The following SRPK2 variants were observed in gnomAD, a reference collection of about 807,000 sequenced individuals.
SRPK2 encodes SFRS protein kinase 2.
A neutral mutation model predicts 90.8 loss-of-function variants in SRPK2; 21 were observed. The observed-to-expected ratio is 0.23, with a 90% CI of 0.16 to 0.33. The LOEUF (loss-of-function observed/expected upper bound fraction) is 0.33, where lower values mean the gene tolerates loss of function less well. SRPK2 is among the 10% of genes least tolerant of loss of function. The pLI, the probability that SRPK2 is intolerant of heterozygous loss-of-function variation, is 1.00. For missense variants in SRPK2, 620 were observed against 869.0 expected, an observed-to-expected ratio of 0.71 and a Z score of 3.60; for synonymous variants, 288 against 311.1, an observed-to-expected ratio of 0.93 and a Z score of 0.78.
At chr7:105,305,295 C>T (rs1227186744) in intron 2 of SRPK2, among the ~76,000 whole-genome samples, 3 of 152,144 alleles carry the variant, frequency 2.0e-5, no homozygotes, top group East Asian at 1.9e-4. Context: ...CAAAATTAGC[C>T]GGGTATTTTT....
chr7:105,319,579 C>T (rs1306460347), intron 2 of SRPK2, among the ~76,000 whole-genome samples: 2 of 133,068 alleles, frequency 1.5e-5, no homozygotes, highest in Non-Finnish European at 3.1e-5. Context: ...GTTACTTTTC[C>T]GGTTAAAGGA....
chr7:105,156,659 C>A (rs910819857), intron 7 of SRPK2, among the ~76,000 whole-genome samples: 1 of 152,076 alleles, frequency 6.6e-6, no homozygotes, highest in African/African-American at 2.4e-5. Flanking sequence ...TGCCATCATA[C>A]CTGGCTAATT....
intron 2 of SRPK2, among the ~76,000 whole-genome samples, chr7:105,308,430 A>T (rs1345487339): frequency 6.6e-6 from 1 of 151,850 alleles, no homozygotes; most frequent in Non-Finnish European, 1.5e-5. Flanking sequence ...AGCCCTGTAT[A>T]TTAGAACTCT....
intron 3 of SRPK2, among the ~76,000 whole-genome samples, chr7:105,185,552 A>G (rs1277637918): frequency 6.6e-6 from 1 of 152,060 alleles, no homozygotes; most frequent in Admixed American, 6.6e-5. Flanking sequence ...TTGTCAAAAA[A>G]TAATAATAAT....
In SRPK2 at chr7:105,181,896, AC is replaced by A. The variant is rs761624815; in HGVS notation, c.230-12632del. Among the ~76,000 whole-genome samples the A allele has an allele frequency of 9.2e-3, 763 of 83,302 alleles. 41 individuals are homozygous for A. Among genetic ancestry groups the A allele is most frequent in the South Asian group, 0.013 (32 of 2,480 alleles). 54.6% of individuals were successfully genotyped at this position (83,302 alleles called of 152,430 possible). A position where few individuals can be genotyped will look rare whatever the true frequency, so the allele number is the denominator to read the frequency against. The stretch of plus-strand genomic sequence containing the variant: ...AAGATAAAAGTAAAAAAAAAAAAAA[AC>A]AGAAAACACACACACAAAAACCAAA... On this transcript the variant is annotated intron_variant, in intron 3 of 15. Transcript: ENST00000393651.
intron 3 of SRPK2, among the ~76,000 whole-genome samples, chr7:105,197,090 G>C (rs903716488): frequency 6.6e-6 from 1 of 151,948 alleles, no homozygotes; most frequent in East Asian, 1.9e-4. Flanking sequence ...AGACTCGGAG[G>C]GTTGGGGGGC....
intron 2 of SRPK2, among the ~76,000 whole-genome samples, chr7:105,277,078 ATTATTAT>A (rs1315303858): frequency 6.9e-6 from 1 of 145,164 alleles, no homozygotes; most frequent in Admixed American, 7.0e-5. Flanking sequence ...CCAACTTATT[ATTATTAT>A]TTTTTTTTTG....
chr7:105,281,440 C>T (rs1807321811), intron 2 of SRPK2, among the ~76,000 whole-genome samples: 1 of 152,116 alleles, frequency 6.6e-6, no homozygotes. Context: ...TTGCACCAAC[C>T]TAATAATTTC....
intron 2 of SRPK2, among the ~76,000 whole-genome samples, chr7:105,289,845 C>G (rs558406935): frequency 6.6e-6 from 1 of 152,076 alleles, no homozygotes; most frequent in South Asian, 2.2e-4. Context: ...TTAATCATTT[C>G]TTACTTTTGA....
At chr7:105,275,141 C>T (rs565697128) in intron 2 of SRPK2, among the ~76,000 whole-genome samples, 3 of 152,262 alleles carry the variant, frequency 2.0e-5, no homozygotes, top group South Asian at 2.1e-4. Flanking sequence ...CCGCCTCAGC[C>T]TCCCAAAGTG....
Position 105,295,310 on chromosome 7 carries a change from TTA to T in SRPK2, c.72-91527_72-91526del, listed in dbSNP as rs1283794971. Among the ~76,000 whole-genome samples the T allele has an allele frequency of 4.0e-5, 6 of 151,846 alleles. No individual in the cohort carries two copies. In the East Asian group the frequency reaches 5.8e-4, roughly 15 times the overall value. On this transcript the variant is annotated intron_variant, in intron 2 of 15. Transcript: ENST00000393651. ...GTTTTAATATATTTTAATGTTTGTT[TTA>T]TGTTACAAATTCATATAAATTTACA...
chr7:105,369,582 G>A (rs1315914814), intron 2 of SRPK2, among the ~76,000 whole-genome samples: 3 of 152,156 alleles, frequency 2.0e-5, no homozygotes, highest in Non-Finnish European at 4.4e-5. Context: ...TATTTCATCT[G>A]TGAAAGATGT....
intron 2 of SRPK2, among the ~76,000 whole-genome samples, chr7:105,236,592 GC>G (rs1468611175): frequency 6.6e-6 from 1 of 152,052 alleles, no homozygotes; most frequent in Non-Finnish European, 1.5e-5. Context: ...GAAATAACAT[GC>G]CTAGTAAATG....
At chr7:105,173,134 G>C (rs1193835910) in intron 3 of SRPK2, among the ~76,000 whole-genome samples, 2 of 151,636 alleles carry the variant, frequency 1.3e-5, no homozygotes, top group Non-Finnish European at 2.9e-5. Flanking sequence ...TTTTTAAAGA[G>C]ATGCGGGCTA....
chr7:105,381,552 C>T (rs1820955872), intron 2 of SRPK2, among the ~76,000 whole-genome samples: 1 of 152,190 alleles, frequency 6.6e-6, no homozygotes, highest in Admixed American at 6.6e-5. Flanking sequence ...CACTGTCCTG[C>T]AATGGTCTTT....
At chr7:105,204,806 G>A (rs2237613) in intron 2 of SRPK2, 6 of 513,074 alleles carry the variant, frequency 1.2e-5, no homozygotes, top group South Asian at 9.9e-5. Flanking sequence ...CCCAGCATGC[G>A]CCCTATTTTA....
intron 2 of SRPK2, among the ~76,000 whole-genome samples, chr7:105,346,126 A>G (rs1013615893): frequency 2.7e-4 from 41 of 152,364 alleles, no homozygotes; most frequent in African/African-American, 9.4e-4. Flanking sequence ...TCAAAGCTGT[A>G]AAAACTTCTA....
intron 2 of SRPK2, among the ~76,000 whole-genome samples, chr7:105,361,331 A>C (rs1335325990): frequency 1.3e-5 from 2 of 152,206 alleles, no homozygotes; most frequent in Admixed American, 6.5e-5. Flanking sequence ...AAGAGGACAC[A>C]AACAAATGGA....
intron 3 of SRPK2, among the ~76,000 whole-genome samples, chr7:105,179,822 C>T (rs898700174): frequency 4.5e-5 from 2 of 44,056 alleles, no homozygotes; most frequent in African/African-American, 2.0e-4. Context: ...AAGAGTCCAT[C>T]TCAAAAAAAA....
Sources: gnomAD v4.1 joint callset for allele counts (sites outside exome capture counted in the v4.1 genomes callset) on GRCh38, gnomAD v4.1.1 for gene constraint, MANE v1.5 for transcripts, NCBI Gene and HGNC (gene_info 2026-07-23, HGNC 2026-07-21) for gene names.